Variants in PTPRG observed in about 807,000 individuals in gnomAD.
PTPRG encodes protein tyrosine phosphatase receptor type G, also known as receptor-type tyrosine-protein phosphatase gamma.
In PTPRG, 102 loss-of-function variants were observed where a neutral mutation model predicts 165.3. The observed-to-expected ratio is 0.62, with a 90% CI of 0.53 to 0.73. The LOEUF is 0.73. Among genes scored for constraint, PTPRG ranks in the 30% least tolerant of loss-of-function variants. PTPRG has a pLI of 0.00. For synonymous variants in PTPRG, 675 were observed against 669.5 expected (o/e 1.01, Z -0.13); for missense variants, 1,866 against 1,861.4 (o/e 1.00, Z -0.05).
intron 4 of PTPRG, among the ~76,000 whole-genome samples, chr3:62,031,370 A>G (rs552537292): frequency 6.6e-6 from 1 of 152,206 alleles, no homozygotes; most frequent in Non-Finnish European, 1.5e-5. Context: ...ATGTGTGTCC[A>G]GGGAAAACTG....
chr3:62,292,858 A>G (rs927956567), intron 29 of PTPRG: 2 of 473,212 alleles, frequency 4.2e-6, no homozygotes, highest in Non-Finnish European at 7.4e-6. Context: ...TTCTCTGGTT[A>G]TCTTCATTAA....
chr3:62,067,880 C>T (rs80341499), intron 4 of PTPRG, among the ~76,000 whole-genome samples: 1 of 152,260 alleles, frequency 6.6e-6, no homozygotes, highest in East Asian at 1.9e-4. Context: ...AAAAATGTCT[C>T]TAGACATGGC....
rs35032388 is a variant in PTPRG at position 61,916,995 on chromosome 3, A to T, written c.191-72630A>T. 6.7e-3 allele frequency among the ~76,000 whole-genome samples: 1,015 copies of T among 152,156 alleles called. 7 individuals are homozygous for T. The highest frequency in any genetic ancestry group is 0.01 in the Non-Finnish European group (706 of 68,002). On this transcript the variant is annotated intron_variant, in intron 2 of 29. Coordinates refer to ENST00000474889, the MANE Select transcript of PTPRG (RefSeq NM_002841.4). ...GTGGATAATTTTTCCTTGCATTCTGAGCTGTTTTCTTCTGAAGCCTTCGAC... is the reference window on the plus strand; with the variant it reads ...GTGGATAATTTTTCCTTGCATTCTGTGCTGTTTTCTTCTGAAGCCTTCGAC...
intron 6 of PTPRG, among the ~76,000 whole-genome samples, chr3:62,135,611 T>C (rs1217752287): frequency 6.6e-6 from 1 of 152,128 alleles, no homozygotes; most frequent in Non-Finnish European, 1.5e-5. Flanking sequence ...CAGCCAACTG[T>C]ATTTGGCAGT....
chr3:62,068,566 C>T (rs1225786211), intron 4 of PTPRG, among the ~76,000 whole-genome samples: 1 of 152,106 alleles, frequency 6.6e-6, no homozygotes, highest in Middle Eastern at 3.2e-3. Flanking sequence ...GCCTTGAACT[C>T]CTGGGCTCAA....
intron 2 of PTPRG, among the ~76,000 whole-genome samples, chr3:61,896,309 A>T (rs1040167943): frequency 2.6e-5 from 4 of 152,182 alleles, no homozygotes; most frequent in African/African-American, 9.7e-5. Context: ...GAATCATACA[A>T]TATTTAATCT....
intron 1 of PTPRG, among the ~76,000 whole-genome samples, chr3:61,624,833 A>T (rs1701563347): frequency 6.6e-6 from 1 of 152,128 alleles, no homozygotes; most frequent in African/African-American, 2.4e-5. Flanking sequence ...AGGGATGTGT[A>T]TTTATTTGCT....
At chr3:62,288,675 A>C (rs968661547) in intron 28 of PTPRG, among the ~76,000 whole-genome samples, 2 of 151,406 alleles carry the variant, frequency 1.3e-5, no homozygotes, top group African/African-American at 4.8e-5. Flanking sequence ...TCCGTCACAA[A>C]AAAAAAAAAA....
intron 1 of PTPRG, chr3:61,743,140 G>A: frequency 8.6e-7 from 1 of 1,157,670 alleles, no homozygotes; most frequent in Admixed American, 1.9e-5. Flanking sequence ...GAAAAGAGCG[G>A]GTCTGGTAAT....
chr3:61,746,626 GA>G (rs2033217173), intron 1 of PTPRG, among the ~76,000 whole-genome samples: 1 of 152,038 alleles, frequency 6.6e-6, no homozygotes, highest in Non-Finnish European at 1.5e-5. Flanking sequence ...CTTCAGGAAG[GA>G]AGAAGAATCT....
chr3:62,016,157 G>A (rs957235801), intron 4 of PTPRG, among the ~76,000 whole-genome samples: 1 of 152,084 alleles, frequency 6.6e-6, no homozygotes, highest in Non-Finnish European at 1.5e-5. Flanking sequence ...CATTCTTACA[G>A]TTTATTTATA....
At chr3:61,961,567 C>T (rs1392383048) in intron 2 of PTPRG, among the ~76,000 whole-genome samples, 6 of 152,142 alleles carry the variant, frequency 3.9e-5, no homozygotes, top group Admixed American at 1.3e-4. Context: ...ATCAGATATT[C>T]CTTGTCTGGA....
At chr3:62,074,197 G>GTGTA (rs1239470413) in intron 4 of PTPRG, among the ~76,000 whole-genome samples, 1 of 151,276 alleles carries the variant, frequency 6.6e-6, no homozygotes, top group Admixed American at 6.6e-5. Flanking sequence ...GTGTGTGTGT[G>GTGTA]TGTGTGTGTG....
intron 13 of PTPRG, among the ~76,000 whole-genome samples, chr3:62,221,807 T>C (rs1270164582): frequency 6.6e-6 from 1 of 152,216 alleles, no homozygotes; most frequent in African/African-American, 2.4e-5. Context: ...TGAGTGTGTT[T>C]TCTCCAAGTT....
intron 3 of PTPRG, among the ~76,000 whole-genome samples, chr3:61,990,457 G>C (rs1351166641): frequency 6.6e-6 from 1 of 152,110 alleles, no homozygotes; most frequent in Non-Finnish European, 1.5e-5. Flanking sequence ...TGTCATTTTG[G>C]GATTTGTGAA....
chr3:61,638,893 T>G (rs1701991485), intron 1 of PTPRG, among the ~76,000 whole-genome samples: 2 of 152,188 alleles, frequency 1.3e-5, no homozygotes. Context: ...ATTTTTCTTT[T>G]GCTGTGCAGA....
At chr3:61,972,341 G>T (rs749202314) in intron 2 of PTPRG, among the ~76,000 whole-genome samples, 1 of 152,206 alleles carries the variant, frequency 6.6e-6, no homozygotes, top group Non-Finnish European at 1.5e-5. Flanking sequence ...CAGATGTGTA[G>T]GGCCTTATAG....
chr3:62,026,520 GC>G (rs1263577850), intron 4 of PTPRG, among the ~76,000 whole-genome samples: 4 of 152,118 alleles, frequency 2.6e-5, no homozygotes, highest in Admixed American at 1.3e-4. Context: ...TGAATGCTGG[GC>G]CCTGTACTGC....
intron 1 of PTPRG, among the ~76,000 whole-genome samples, chr3:61,565,139 A>ATAC: frequency 6.6e-6 from 1 of 152,284 alleles, no homozygotes; most frequent in East Asian, 1.9e-4. Flanking sequence ...GATATGGGTT[A>ATAC]GCTGTAGTTT....
Sources: allele counts gnomAD v4.1 joint callset (sites outside exome capture counted in the v4.1 genomes callset), GRCh38; gene constraint gnomAD v4.1.1; transcripts MANE v1.5; gene names NCBI Gene and HGNC (gene_info 2026-07-23, HGNC 2026-07-21).